KDM4C: variants seen among roughly 807,000 people sequenced by gnomAD.
KDM4C encodes lysine-specific demethylase 4C.
Under a neutral mutation model 129.3 loss-of-function variants are expected in KDM4C, and 81 were observed. The observed-to-expected ratio is 0.63, with a 90% CI of 0.52 to 0.75. The LOEUF (loss-of-function observed/expected upper bound fraction) is 0.75, where lower values mean the gene tolerates loss of function less well. KDM4C is among the 30% of genes least tolerant of loss of function. The pLI is 0.00. For synonymous variants in KDM4C, 573 were observed against 456.1 expected, an observed-to-expected ratio of 1.26 and a Z score of -3.26; for missense variants, 1,457 against 1,304.0, an observed-to-expected ratio of 1.12 and a Z score of -1.81.
rs529038391 is a variant in KDM4C at position 7,044,754 on chromosome 9, G to T, written c.2260-2108G>T. Among the ~76,000 whole-genome samples the T allele has an allele frequency of 5.3e-5, 8 of 152,062 alleles. No individual in the cohort carries two copies. In the South Asian group the frequency reaches 1.5e-3, roughly 28 times the overall value. ...GGTGTGAGCCATTGGCCTATAGAGA[G>T]TGATCGGAATCAGGGTAGTGGATCA... is the stretch of plus-strand genomic sequence containing the variant. On this transcript the variant is annotated intron_variant, in intron 15 of 21. Transcript: ENST00000381309.
intron 1 of KDM4C, among the ~76,000 whole-genome samples, chr9:6,738,592 C>T (rs1230359225): frequency 2.6e-5 from 4 of 152,114 alleles, no homozygotes; most frequent in South Asian, 2.1e-4. Context: ...GGCACCACCA[C>T]GCCCAGCTAA....
rs1564211007 is a variant in KDM4C at position 7,174,590 on chromosome 9, A to G, written c.3032A>G (p.Tyr1011Cys). ...GACATGCGATTTGAAGACACGTTTT[A>G]TGGAGCAGACATTATCCAAGGGGAG... ...ASDMRFEDTF[Y>C]GADIIQGERK... is the part of the protein sequence containing the mutation. Residue 1011 changes from tyrosine (Y) to cysteine (C), a missense_variant, in exon 22 of 22, where the codon TAT becomes TGT. By Grantham distance (194) the Tyr-to-Cys change is radical. Coordinates refer to ENST00000381309, the MANE Select transcript of KDM4C (RefSeq NM_015061.6). The G allele has an allele frequency of 2.5e-6, 4 of 1,614,102 alleles. No homozygotes were observed. In the African/African-American group the frequency reaches 5.3e-5, roughly 22 times the overall value.
At chr9:7,040,400 T>TGTGTGTGTGC (rs1554712904) in intron 15 of KDM4C, among the ~76,000 whole-genome samples, 40 of 143,884 alleles carry the variant, frequency 2.8e-4, no homozygotes, top group African/African-American at 8.4e-4. Context: ...TGTGTGTGTG[T>TGTGTGTGTGC]GTGTGCGTGT....
At chr9:6,998,739 T>G (rs1333657861) in intron 12 of KDM4C, among the ~76,000 whole-genome samples, 4 of 152,168 alleles carry the variant, frequency 2.6e-5, no homozygotes, top group African/African-American at 9.7e-5. Context: ...GAGGCTGCAG[T>G]GCGCTGAGAT....
chr9:6,735,205 C>G (rs572995006), intron 1 of KDM4C: 3 of 202,872 alleles, frequency 1.5e-5, no homozygotes, highest in East Asian at 2.8e-4. Flanking sequence ...TCTGCAGAAA[C>G]AGAGCTCCCA....
intron 8 of KDM4C, among the ~76,000 whole-genome samples, chr9:6,924,272 T>C (rs1282070514): frequency 1.3e-5 from 2 of 152,212 alleles, no homozygotes; most frequent in Non-Finnish European, 2.9e-5. Flanking sequence ...CTGAACAGTG[T>C]TTGTGCTTGT....
intron 17 of KDM4C, among the ~76,000 whole-genome samples, chr9:7,095,530 T>A (rs1019283838): frequency 6.7e-6 from 1 of 149,768 alleles, no homozygotes; most frequent in African/African-American, 2.5e-5. Context: ...TTTTTTTTTT[T>A]GCTTGTTCTT....
At chr9:6,936,187 T>C (rs1400558096) in intron 8 of KDM4C, among the ~76,000 whole-genome samples, 2 of 152,134 alleles carry the variant, frequency 1.3e-5, no homozygotes, top group African/African-American at 4.8e-5. Flanking sequence ...AAAAAAGATA[T>C]CTTGTGATTT....
At chr9:7,085,527 C>G (rs931132421) in intron 17 of KDM4C, among the ~76,000 whole-genome samples, 3 of 152,022 alleles carry the variant, frequency 2.0e-5, no homozygotes, top group Non-Finnish European at 4.4e-5. Flanking sequence ...GATGGCTGAC[C>G]CTGGAACAGC....
At chr9:6,929,471 C>CTTTTTTTT (rs59537472) in intron 8 of KDM4C, among the ~76,000 whole-genome samples, 1 of 127,526 alleles carries the variant, frequency 7.8e-6, no homozygotes, top group African/African-American at 2.9e-5. Context: ...TTGACTTTTT[C>CTTTTTTTT]TTTTTTTTTT....
chr9:7,006,424 A>C (rs1322619608), intron 12 of KDM4C, among the ~76,000 whole-genome samples: 1 of 152,140 alleles, frequency 6.6e-6, no homozygotes, highest in East Asian at 1.9e-4. Flanking sequence ...ATCAATGACA[A>C]GACAGAAATC....
intron 12 of KDM4C, among the ~76,000 whole-genome samples, chr9:7,008,313 C>G (rs1273002512): frequency 1.3e-5 from 2 of 152,178 alleles, no homozygotes; most frequent in African/African-American, 4.8e-5. Context: ...CAGGCCATCT[C>G]TCAGCCTCAA....
chr9:7,025,859 T>C (rs1317175708), intron 15 of KDM4C, among the ~76,000 whole-genome samples: 2 of 152,240 alleles, frequency 1.3e-5, no homozygotes, highest in Non-Finnish European at 2.9e-5. Context: ...CAGTGAGTTT[T>C]GGACCTTCAG....
At chr9:6,876,014 C>T (rs906394425) in intron 5 of KDM4C, among the ~76,000 whole-genome samples, 1 of 152,148 alleles carries the variant, frequency 6.6e-6, no homozygotes, top group Admixed American at 6.5e-5. Flanking sequence ...GAACATAGGG[C>T]CTGATCATCA....
intron 1 of KDM4C, among the ~76,000 whole-genome samples, chr9:6,788,951 C>G (rs892331475): frequency 4.0e-5 from 6 of 151,870 alleles, no homozygotes; most frequent in South Asian, 2.1e-4. Context: ...TACAGAAGCA[C>G]AAGTCAGTGA....
chr9:6,929,191 C>T (rs1404455098), intron 8 of KDM4C, among the ~76,000 whole-genome samples: 3 of 152,094 alleles, frequency 2.0e-5, no homozygotes, highest in Admixed American at 6.5e-5. Context: ...GGGCTTAGAC[C>T]TTTCTTTCTT....
intron 15 of KDM4C, among the ~76,000 whole-genome samples, chr9:7,017,232 T>G (rs1479213131): frequency 1.3e-5 from 2 of 152,222 alleles, no homozygotes; most frequent in Non-Finnish European, 2.9e-5. Context: ...CCCCTGTGCC[T>G]GACATCATAT....
chr9:6,877,097 T>C (rs933918132), intron 5 of KDM4C, among the ~76,000 whole-genome samples: 7 of 152,202 alleles, frequency 4.6e-5, no homozygotes, highest in African/African-American at 1.4e-4. Flanking sequence ...TGTATGTTTC[T>C]GCTGTCCTTC....
chr9:7,045,385 C>G (rs1044037112), intron 15 of KDM4C, among the ~76,000 whole-genome samples: 1 of 152,046 alleles, frequency 6.6e-6, no homozygotes, highest in South Asian at 2.1e-4. Flanking sequence ...AGTACTTGAC[C>G]TCAAGTTTTG....
Sources: gnomAD v4.1 joint callset for allele counts (sites outside exome capture counted in the v4.1 genomes callset) on GRCh38, gnomAD v4.1.1 for gene constraint, MANE v1.5 for transcripts, NCBI Gene and HGNC (gene_info 2026-07-23, HGNC 2026-07-21) for gene names.